Variants in JMJD1C observed in about 807,000 individuals in gnomAD.
The protein encoded by JMJD1C is jumonji domain-containing protein 1C.
In JMJD1C, 31 loss-of-function variants were observed where a neutral mutation model predicts 245.3. The observed-to-expected ratio is 0.13, with a 90% CI of 0.09 to 0.17. JMJD1C has a LOEUF of 0.17. Among genes scored for constraint, JMJD1C ranks in the 10% least tolerant of loss-of-function variants. The pLI is 1.00. For synonymous variants in JMJD1C, 1,057 were observed against 1,017.4 expected (o/e 1.04, Z -0.74); for missense variants, 2,691 against 3,000.2 (o/e 0.90, Z 2.41).
At chr10:63,447,258 C>T (rs10509186) in intron 1 of JMJD1C, among the ~76,000 whole-genome samples, 63,973 of 151,990 alleles carry the variant, frequency 0.42, 14,189 homozygotes, top group South Asian at 0.53. Flanking sequence ...AGGTTTATAG[C>T]TTCCCTGACC....
rs997422839 is a variant in JMJD1C, at chr10:63,501,775, C to CA, written n.113+19962dup. Among the ~76,000 whole-genome samples, 45 of 149,750 alleles carry CA rather than the reference C, an allele frequency of 3.0e-4. 1 individual carries two copies. The East Asian group carries it at 5.5e-3, about 18-fold the overall frequency. On this transcript the variant is annotated intron_variant and non_coding_transcript_variant, in intron 1 of 3. Coordinates refer to the JMJD1C transcript ENST00000633035. ...TGGACAACAGAGTGAGTCTCCATCT[C>CA]AAAAAAAAAGAACAAAACAAAACAA...
chr10:63,405,247 A>G (rs1762065025), intron 1 of JMJD1C, among the ~76,000 whole-genome samples: 1 of 151,748 alleles, frequency 6.6e-6, no homozygotes, highest in Non-Finnish European at 1.5e-5. Flanking sequence ...TAAGTGATTT[A>G]TCTGTTACAC....
chr10:63,273,416 T>A (rs1173240968), intron 2 of JMJD1C, among the ~76,000 whole-genome samples: 1 of 152,182 alleles, frequency 6.6e-6, no homozygotes, highest in Non-Finnish European at 1.5e-5. Context: ...CTGGTAAATT[T>A]TTAACACAAA....
chr10:63,465,313 C>T (rs937126018), intron 1 of JMJD1C, 182 bp downstream of exon 1: 7 of 658,432 alleles, frequency 1.1e-5, no homozygotes, highest in Non-Finnish European at 1.8e-5. Flanking sequence ...ACAGGGGAAG[C>T]CGCTCGGAGA....
At chr10:63,519,105 T>C (rs1328497376) in intron 1 of JMJD1C, among the ~76,000 whole-genome samples, 1 of 152,112 alleles carries the variant, frequency 6.6e-6, no homozygotes, top group Non-Finnish European at 1.5e-5. Context: ...CATGGCCTAT[T>C]GAGATGTGAA....
In JMJD1C at chr10:63,276,423, G is replaced by A. The variant is rs200963804; in HGVS notation, c.334-11659C>T. Among the ~76,000 whole-genome samples the A allele has an allele frequency of 8.1e-4, 115 of 141,818 alleles. No homozygotes were observed. The East Asian group carries it at 0.014, about 17-fold the overall frequency. 93.0% of individuals were successfully genotyped at this position (141,818 alleles called of 152,430 possible). The stretch of plus-strand genomic sequence containing the variant: ...GGAACTTCCAGTGAGCCGAGACCCC[G>A]CCACTGCACTCCAGCCTGGGAGACA... On this transcript the variant is annotated intron_variant, in intron 2 of 25. Coordinates refer to ENST00000399262, the MANE Select transcript of JMJD1C (RefSeq NM_032776.3).
chr10:63,461,083 T>G (rs1002823105), intron 1 of JMJD1C, among the ~76,000 whole-genome samples: 6 of 152,192 alleles, frequency 3.9e-5, no homozygotes, highest in Non-Finnish European at 7.3e-5. Context: ...TCACCTTCTT[T>G]TAAAACTAGC....
intron 1 of JMJD1C, among the ~76,000 whole-genome samples, chr10:63,395,870 T>C (rs939853856): frequency 3.3e-5 from 5 of 152,104 alleles, no homozygotes; most frequent in African/African-American, 1.2e-4. Context: ...ATTCTATTCA[T>C]GCGACACCCA....
chr10:63,361,753 A>G (rs1945366727), intron 2 of JMJD1C, among the ~76,000 whole-genome samples: 1 of 149,926 alleles, frequency 6.7e-6, no homozygotes, highest in Non-Finnish European at 1.5e-5. Flanking sequence ...AAAAAGAAAA[A>G]GAATATCCTA....
chr10:63,275,668 T>G (rs1856709242), intron 2 of JMJD1C, among the ~76,000 whole-genome samples: 1 of 152,218 alleles, frequency 6.6e-6, no homozygotes, highest in Non-Finnish European at 1.5e-5. Context: ...TTAAATGATA[T>G]GTAGAGGATC....
At chr10:63,244,896 G>T (rs1851977535) in intron 3 of JMJD1C, among the ~76,000 whole-genome samples, 1 of 151,972 alleles carries the variant, frequency 6.6e-6, no homozygotes, top group African/African-American at 2.4e-5. Context: ...CAGCACTTTG[G>T]GAGGCCAAGG....
chr10:63,489,832 CA>C (rs570317330), intron 1 of JMJD1C, among the ~76,000 whole-genome samples: 120 of 152,204 alleles, frequency 7.9e-4, no homozygotes, highest in Middle Eastern at 3.4e-3. Context: ...GGTTCTATAC[CA>C]GGGGTCCCCA....
chr10:63,479,629 C>G (rs1488425027), intron 1 of JMJD1C, among the ~76,000 whole-genome samples: 1 of 152,176 alleles, frequency 6.6e-6, no homozygotes, highest in African/African-American at 2.4e-5. Flanking sequence ...ATTCAGCTAA[C>G]TGTTCCCTCA....
chr10:63,328,620 T>C (rs1941797973), intron 2 of JMJD1C, among the ~76,000 whole-genome samples: 1 of 152,226 alleles, frequency 6.6e-6, no homozygotes, highest in African/African-American at 2.4e-5. Flanking sequence ...AATGCATAAA[T>C]ATGGGAACAA....
At chr10:63,204,531 C>T in intron 10 of JMJD1C, 1 of 985,338 alleles carries the variant, frequency 1.0e-6, no homozygotes, top group Non-Finnish European at 1.2e-6. Context: ...TATCTGAACA[C>T]CCAACACCAA....
chr10:63,231,971 G>A (rs1296692947), intron 3 of JMJD1C, among the ~76,000 whole-genome samples: 2 of 152,058 alleles, frequency 1.3e-5, no homozygotes, highest in African/African-American at 4.8e-5. Flanking sequence ...CTGAGTAGCT[G>A]GGATTACAGG....
intron 1 of JMJD1C, among the ~76,000 whole-genome samples, chr10:63,440,413 G>T (rs1328505466): frequency 6.6e-6 from 1 of 151,040 alleles, no homozygotes; most frequent in Non-Finnish European, 1.5e-5. Flanking sequence ...GCACACGAAG[G>T]AGAGTCGATT....
chr10:63,247,374 T>C (rs1852355686), intron 3 of JMJD1C, among the ~76,000 whole-genome samples: 1 of 151,898 alleles, frequency 6.6e-6, no homozygotes, highest in African/African-American at 2.4e-5. Flanking sequence ...ACACACAACC[T>C]ACCAAAATTG....
intron 1 of JMJD1C, among the ~76,000 whole-genome samples, chr10:63,504,431 A>C (rs1183841294): frequency 6.6e-6 from 1 of 152,206 alleles, no homozygotes; most frequent in Non-Finnish European, 1.5e-5. Context: ...TTAAGAAGCC[A>C]ATGCAGGTGA....
Sources: allele counts gnomAD v4.1 joint callset (sites outside exome capture counted in the v4.1 genomes callset), GRCh38; gene constraint gnomAD v4.1.1; transcripts MANE v1.5; gene names NCBI Gene and HGNC (gene_info 2026-07-23, HGNC 2026-07-21).